MYOF: variants seen among roughly 807,000 people sequenced by gnomAD.
MYOF encodes myoferlin.
In MYOF, 244 loss-of-function variants were observed where a neutral mutation model predicts 284.2. The observed-to-expected ratio is 0.86, with a 90% CI of 0.77 to 0.95. MYOF has a LOEUF of 0.95. Among genes scored for constraint, MYOF ranks in the 40% least tolerant of loss-of-function variants. The pLI, the probability that MYOF is intolerant of heterozygous loss-of-function variation, is 0.00. For missense variants in MYOF, 2,496 were observed against 2,560.6 expected, an observed-to-expected ratio of 0.97 and a Z score of 0.54; for synonymous variants, 904 against 919.7, an observed-to-expected ratio of 0.98 and a Z score of 0.31.
intron 1 of MYOF, among the ~76,000 whole-genome samples, chr10:93,461,093 TA>T (rs2056869324): frequency 1.3e-5 from 2 of 151,518 alleles, no homozygotes; most frequent in African/African-American, 4.9e-5. Context: ...AAACTCCATC[TA>T]AGAAAAGAAA....
At chr10:93,315,818 G>A (rs1481549290) in intron 50 of MYOF, among the ~76,000 whole-genome samples, 1 of 151,986 alleles carries the variant, frequency 6.6e-6, no homozygotes, top group Admixed American at 6.6e-5. Context: ...CTCAGGGAAG[G>A]CCTGTATTCA....
rs540359067 is a variant in MYOF at position 93,427,421 on chromosome 10, C to G, written c.346-1263G>C. Among the ~76,000 whole-genome samples, 4 of 150,896 alleles carry G rather than the reference C, an allele frequency of 2.7e-5. No individual in the cohort carries two copies. In the South Asian group the frequency reaches 8.4e-4, roughly 32 times the overall value. On this transcript the variant is annotated intron_variant, in intron 4 of 53. Transcript: ENST00000359263. ...TGGCAGGTGCCTGTAATCCCAGCTG[C>G]TCAGGGGGCTGAGGCCGGAGAATCT... is the stretch of plus-strand genomic sequence containing the variant.
intron 1 of MYOF, among the ~76,000 whole-genome samples, chr10:93,479,074 A>G (rs1013633000): frequency 6.6e-6 from 1 of 151,570 alleles, no homozygotes; most frequent in African/African-American, 2.4e-5. Context: ...CAAGAGGCAA[A>G]ATGTTTACAT....
intron 42 of MYOF, 38 bp from the exon 43 acceptor site, chr10:93,333,350 G>C: frequency 6.4e-7 from 1 of 1,562,406 alleles, no homozygotes; most frequent in South Asian, 1.1e-5. Context: ...CATCATTGTA[G>C]GGCGCAAGGT....
chr10:93,374,309 A>T (rs1371096034), intron 23 of MYOF, among the ~76,000 whole-genome samples: 1 of 152,210 alleles, frequency 6.6e-6, no homozygotes, highest in African/African-American at 2.4e-5. Context: ...TTCACACAAC[A>T]AAGCTAACTA....
intron 2 of MYOF, among the ~76,000 whole-genome samples, chr10:93,454,027 A>G (rs2056669337): frequency 6.6e-6 from 1 of 152,080 alleles, no homozygotes; most frequent in African/African-American, 2.4e-5. Flanking sequence ...TACTAAAAAT[A>G]CAAAATTAGC....
In MYOF at chr10:93,381,238, G is replaced by A; in HGVS notation, c.1857C>T (p.Tyr619=). The change falls in exon 20 of 54, where the codon TAC becomes TAT. Residue 619 remains tyrosine, a synonymous_variant. Coordinates refer to ENST00000359263, the MANE Select transcript of MYOF (RefSeq NM_013451.4). ...TCKPLASTTQ[Y]SRAVFDGNYY... ...TCTTACCATCAAATACAGCACGGCT[G>A]TACTGAGTTGTTGATGCCAAAGGCT... is the stretch of plus-strand genomic sequence containing the variant. 1 of 1,614,234 alleles carries A rather than the reference G, an allele frequency of 6.2e-7. No individual in the cohort carries two copies. Among genetic ancestry groups the A allele is most frequent in the Non-Finnish European group, 8.5e-7 (1 of 1,180,038 alleles).
chr10:93,342,505 AC>A (rs1455880644), intron 38 of MYOF, among the ~76,000 whole-genome samples: 1 of 152,232 alleles, frequency 6.6e-6, no homozygotes, highest in Non-Finnish European at 1.5e-5. Flanking sequence ...AATGACTGAT[AC>A]TACCATCACC....
intron 43 of MYOF, among the ~76,000 whole-genome samples, chr10:93,331,261 A>G (rs1843285412): frequency 6.6e-6 from 1 of 152,066 alleles, no homozygotes; most frequent in Non-Finnish European, 1.5e-5. Context: ...CTCTGCGGAG[A>G]AGAAAGCTAC....
chr10:93,372,589 CTT>C (rs758376307), intron 24 of MYOF, among the ~76,000 whole-genome samples: 17 of 152,242 alleles, frequency 1.1e-4, no homozygotes, highest in Non-Finnish European at 2.5e-4. Flanking sequence ...ACTGCTTTCT[CTT>C]TCTTTCCCCA....
chr10:93,329,850 C>T lies in MYOF; in HGVS notation c.4812-16G>A, dbSNP rs990475739. ...TTCGTACATCCTAAATAAACAAATGCAAGGTCAGAATCTTCATGATCCATC... is the reference window on the plus strand; with the variant it reads ...TTCGTACATCCTAAATAAACAAATGTAAGGTCAGAATCTTCATGATCCATC... On this transcript the variant is annotated splice_polypyrimidine_tract_variant and intron_variant, in intron 43 of 53. Transcript: ENST00000359263. The T allele has an allele frequency of 2.5e-6, 4 of 1,613,300 alleles. No individual in the cohort carries two copies. The East Asian group carries it at 6.7e-5, about 27-fold the overall frequency.
intron 22 of MYOF, among the ~76,000 whole-genome samples, chr10:93,375,261 C>T (rs1411258794): frequency 6.6e-6 from 1 of 152,228 alleles, no homozygotes; most frequent in Non-Finnish European, 1.5e-5. Context: ...ACAGTGGCAG[C>T]TGAGAGAAAC....
At chr10:93,417,293 C>A (rs1190509530) in intron 5 of MYOF, among the ~76,000 whole-genome samples, 3 of 152,196 alleles carry the variant, frequency 2.0e-5, no homozygotes, top group Non-Finnish European at 1.5e-5. Flanking sequence ...TTTCCGCTAA[C>A]ATTTGGAAAT....
At chr10:93,395,966 GATTA>G (rs755454538) in intron 16 of MYOF, among the ~76,000 whole-genome samples, 172 bp downstream of exon 16, 3 of 149,936 alleles carry the variant, frequency 2.0e-5, no homozygotes, top group Non-Finnish European at 3.0e-5. Context: ...ATACTTCAAT[GATTA>G]ATTGTTTTGC....
chr10:93,444,891 C>A (rs1275525469), intron 3 of MYOF, among the ~76,000 whole-genome samples: 1 of 152,216 alleles, frequency 6.6e-6, no homozygotes, highest in Non-Finnish European at 1.5e-5. Context: ...GCCTCCACCC[C>A]TCTGAGGCTC....
At chr10:93,444,915 A>G (rs2056385679) in intron 3 of MYOF, among the ~76,000 whole-genome samples, 1 of 152,182 alleles carries the variant, frequency 6.6e-6, no homozygotes. Context: ...TCTACTCTCT[A>G]CTTCTCAAGG....
intron 5 of MYOF, among the ~76,000 whole-genome samples, chr10:93,416,203 G>A (rs935057942): frequency 2.0e-5 from 3 of 152,140 alleles, no homozygotes; most frequent in African/African-American, 4.8e-5. Flanking sequence ...CCTGGCATTC[G>A]CAAACAGAAG....
At chr10:93,332,044 C>G (rs1843330394) in intron 43 of MYOF, among the ~76,000 whole-genome samples, 1 of 152,112 alleles carries the variant, frequency 6.6e-6, no homozygotes, top group Non-Finnish European at 1.5e-5. Context: ...AATCTCGGCT[C>G]TATCACTTAC....
chr10:93,308,810 C>G (rs1229881593), intron 53 of MYOF, among the ~76,000 whole-genome samples: 2 of 151,934 alleles, frequency 1.3e-5, no homozygotes, highest in Non-Finnish European at 2.9e-5. Context: ...CTCCCAGGTT[C>G]AAGCAATTAT....
Sources: allele counts gnomAD v4.1 joint callset (sites outside exome capture counted in the v4.1 genomes callset), GRCh38; gene constraint gnomAD v4.1.1; transcripts MANE v1.5; gene names NCBI Gene and HGNC (gene_info 2026-07-23, HGNC 2026-07-21).